GPHN: variants seen among roughly 807,000 people sequenced by gnomAD.
GPHN encodes the protein gephyrin.
In GPHN, 17 loss-of-function variants were observed where a neutral mutation model predicts 95.5. The ratio of observed to expected loss-of-function variants is 0.18; its 90% CI spans 0.12 to 0.27. The LOEUF (loss-of-function observed/expected upper bound fraction) is 0.27. Among genes scored for constraint, GPHN ranks in the 10% least tolerant of loss-of-function variants. The probability of loss-of-function intolerance (pLI) is 1.00; values close to 1 mark genes in which losing one functional copy is unlikely to be tolerated. For missense variants in GPHN, 660 were observed against 978.1 expected, an observed-to-expected ratio of 0.67 and a Z score of 4.34; for synonymous variants, 320 against 322.5, an observed-to-expected ratio of 0.99 and a Z score of 0.08.
chr14:67,321,055 A>G, the GPHN span: 1 of 1,613,874 alleles, frequency 6.2e-7, no homozygotes, highest in South Asian at 1.1e-5. Flanking sequence ...TTGTTTGCCT[A>G]GATACAACCC....
At chr14:67,620,121 A>T in the GPHN span, 33 of 1,481,340 alleles carry the variant, frequency 2.2e-5, no homozygotes, top group East Asian at 1.7e-4. Flanking sequence ...GCCGGGCAGG[A>T]TCCTCCGCCC....
chr14:67,417,791 T>C, the GPHN span, among the ~76,000 whole-genome samples: 5 of 152,166 alleles, frequency 3.3e-5, no homozygotes, highest in African/African-American at 1.2e-4. Flanking sequence ...TTGCCCAGGC[T>C]GGAATGCAGT....
At chr14:67,569,968 G>A in the GPHN span, 4 of 1,609,928 alleles carry the variant, frequency 2.5e-6, no homozygotes, top group Non-Finnish European at 3.4e-6. Context: ...CTCTGGCCTG[G>A]TCTACAAGAA....
the GPHN span, among the ~76,000 whole-genome samples, chr14:67,386,736 G>A: frequency 6.4e-4 from 97 of 152,172 alleles, 2 homozygotes; most frequent in East Asian, 0.017. Context: ...TTTCGTATAC[G>A]TGATTATGTT....
the GPHN span, among the ~76,000 whole-genome samples, chr14:67,379,870 G>A: frequency 6.6e-6 from 1 of 151,702 alleles, no homozygotes; most frequent in Admixed American, 6.6e-5. Flanking sequence ...TAGCCGGGAT[G>A]GTCTCGATCT....
chr14:67,355,536 T>G, the GPHN span, among the ~76,000 whole-genome samples: 1 of 95,600 alleles, frequency 1.0e-5, no homozygotes, highest in Admixed American at 1.1e-4. Flanking sequence ...AAAATTAAAA[T>G]AAGGAATTAT....
the GPHN span, chr14:67,223,691 T>C: frequency 2.1e-6 from 2 of 957,496 alleles, no homozygotes; most frequent in Non-Finnish European, 2.5e-6. Context: ...TGTTTTCTCT[T>C]ATGTATTTCT....
At chr14:67,643,852 TAAAAAAA>T in the GPHN span, among the ~76,000 whole-genome samples, 1 of 81,174 alleles carries the variant, frequency 1.2e-5, no homozygotes, top group Admixed American at 1.2e-4. Context: ...TCCTTGGGAG[TAAAAAAA>T]AAAAAAAAAA....
the GPHN span, among the ~76,000 whole-genome samples, chr14:67,239,274 G>T: frequency 6.6e-6 from 1 of 152,184 alleles, no homozygotes; most frequent in Non-Finnish European, 1.5e-5. Flanking sequence ...TGAACAGCTA[G>T]ATCTGCAGTC....
the GPHN span, among the ~76,000 whole-genome samples, chr14:67,406,258 C>CA: frequency 0.062 from 6,622 of 107,080 alleles, 300 homozygotes; most frequent in African/African-American, 0.12. Flanking sequence ...GATTCCATCT[C>CA]AAAAAAAAAA....
chr14:67,388,688 C>CT, the GPHN span, among the ~76,000 whole-genome samples: 19 of 151,534 alleles, frequency 1.3e-4, no homozygotes, highest in South Asian at 2.1e-4. Context: ...GTAATCATTT[C>CT]TTTTTTTTTG....
chr14:67,073,970 A>G (rs1156277132), intron 11 of GPHN, among the ~76,000 whole-genome samples: 1 of 152,200 alleles, frequency 6.6e-6, no homozygotes, highest in East Asian at 1.9e-4. Flanking sequence ...CTCTACGAAT[A>G]TATAAAGCCT....
chr14:67,689,094 C>T, the GPHN span, among the ~76,000 whole-genome samples: 6 of 152,194 alleles, frequency 3.9e-5, no homozygotes, highest in Admixed American at 2.0e-4. Flanking sequence ...ACCTCCAGGC[C>T]ACCCTAGCTC....
chr14:66,629,593 TATTATC>T (rs1175014874), intron 1 of GPHN, among the ~76,000 whole-genome samples: 1 of 152,174 alleles, frequency 6.6e-6, no homozygotes, highest in African/African-American at 2.4e-5. Flanking sequence ...CATAATCATT[TATTATC>T]ATTATCAAGT....
chr14:66,790,546 G>T (rs962746730), intron 3 of GPHN, among the ~76,000 whole-genome samples: 2 of 152,184 alleles, frequency 1.3e-5, no homozygotes, highest in Non-Finnish European at 2.9e-5. Flanking sequence ...CTATTTCCTG[G>T]AAGGTAGAGA....
chr14:66,990,757 A>T lies in GPHN; in HGVS notation c.963+25432A>T, dbSNP rs943264323. ...ATATTTTATTTAATAGTTAAATTTTAAAAAATTCAATTAAATATTTTATTT... is the reference window on the plus strand; with the variant it reads ...ATATTTTATTTAATAGTTAAATTTTTAAAAATTCAATTAAATATTTTATTT... On this transcript the variant is annotated intron_variant, in intron 9 of 22. Transcript: ENST00000478722. Among the ~76,000 whole-genome samples the T allele has an allele frequency of 1.2e-4, 18 of 152,130 alleles. No individual in the cohort carries two copies. The Middle Eastern group carries it at 0.017, about 144-fold the overall frequency.
At chr14:66,668,263 C>T (rs2066086239) in intron 1 of GPHN, among the ~76,000 whole-genome samples, 1 of 152,110 alleles carries the variant, frequency 6.6e-6, no homozygotes, top group Non-Finnish European at 1.5e-5. Flanking sequence ...AGCATTTGAC[C>T]CAGCAATCCC....
Position 66,887,074 on chromosome 14 carries a change from A to G in GPHN, c.389+7041A>G, listed in dbSNP as rs547860667. The stretch of plus-strand genomic sequence containing the variant: ...TGTTTCAGCAGGGAAGAGGAAAGGG[A>G]ACTATTGTGAAATACACCAGGGTAC... On this transcript the variant is annotated intron_variant, in intron 5 of 22. Coordinates refer to ENST00000478722, the MANE Select transcript of GPHN (RefSeq NM_020806.5). Among the ~76,000 whole-genome samples the G allele has an allele frequency of 2.0e-5, 3 of 152,260 alleles. No individual in the cohort carries two copies. The East Asian group carries it at 5.8e-4, about 29-fold the overall frequency.
chr14:66,694,095 T>A (rs570345650), intron 2 of GPHN, among the ~76,000 whole-genome samples: 4 of 152,284 alleles, frequency 2.6e-5, no homozygotes, highest in African/African-American at 9.6e-5. Flanking sequence ...AGAATTCATA[T>A]GTTGAAGCTT....
Sources: gnomAD v4.1 joint callset for allele counts (sites outside exome capture counted in the v4.1 genomes callset) on GRCh38, gnomAD v4.1.1 for gene constraint, MANE v1.5 for transcripts, NCBI Gene and HGNC (gene_info 2026-07-23, HGNC 2026-07-21) for gene names.